The following ANKRD28 variants were observed in gnomAD, a reference collection of about 807,000 sequenced individuals.
ANKRD28 encodes ankyrin repeat domain 28, also known as serine/threonine-protein phosphatase 6 regulatory ankyrin repeat subunit A.
ANKRD28 carries 44 observed loss-of-function variants against 126.5 expected under a neutral mutation model. The ratio of observed to expected loss-of-function variants is 0.35; its 90% confidence interval spans 0.27 to 0.45. The LOEUF (loss-of-function observed/expected upper bound fraction) is 0.45. Among genes scored for constraint, ANKRD28 ranks in the 20% least tolerant of loss-of-function variants. The probability of loss-of-function intolerance (pLI) is 1.00; values close to 1 mark genes in which losing one functional copy is unlikely to be tolerated. For missense variants in ANKRD28, 1,110 were observed against 1,316.6 expected (o/e 0.84, Z 2.43); for synonymous variants, 442 against 468.5 (o/e 0.94, Z 0.73).
At chr3:15,760,206 G>C (rs535447337) in intron 3 of ANKRD28, among the ~76,000 whole-genome samples, 1 of 152,174 alleles carries the variant, frequency 6.6e-6, no homozygotes, top group Non-Finnish European at 1.5e-5. Context: ...TGGACGATAA[G>C]AGGAGAGAGA....
chr3:15,716,093 C>T (rs1250042868), intron 8 of ANKRD28, among the ~76,000 whole-genome samples: 1 of 151,192 alleles, frequency 6.6e-6, no homozygotes, highest in Non-Finnish European at 1.5e-5. Context: ...AGTGATTCTC[C>T]TGCCTCAGCC....
intron 1 of ANKRD28, among the ~76,000 whole-genome samples, chr3:15,803,333 T>C (rs1320802091): frequency 6.6e-6 from 1 of 152,040 alleles, no homozygotes; most frequent in Non-Finnish European, 1.5e-5. Flanking sequence ...AAATATATTT[T>C]AGAGGCCGTG....
chr3:15,777,903 C>CACACACACACA (rs1553631647), intron 2 of ANKRD28, among the ~76,000 whole-genome samples: 55 of 148,856 alleles, frequency 3.7e-4, no homozygotes, highest in Non-Finnish European at 4.6e-4. Flanking sequence ...CACACACACA[C>CACACACACACA]CCTCTCCGCC....
In ANKRD28 at chr3:15,689,415, G is replaced by T. The variant is rs2068519093; in HGVS notation, c.1963+604C>A. Among the ~76,000 whole-genome samples the T allele has an allele frequency of 3.9e-5, 6 of 152,222 alleles. 1 individual carries two copies. In the South Asian group the frequency reaches 1.2e-3, roughly 32 times the overall value. ...GCATCTGCAGCCATCATCAAAAGAT[G>T]AATCCACTGCCACTGCCCCCTGAGG... On this transcript the variant is annotated intron_variant, in intron 18 of 27. Transcript: ENST00000683139.
intron 1 of ANKRD28, among the ~76,000 whole-genome samples, chr3:15,828,088 GTTAT>G (rs1559578859): frequency 6.6e-6 from 1 of 152,120 alleles, no homozygotes; most frequent in African/African-American, 2.4e-5. Flanking sequence ...GATCCTGAAA[GTTAT>G]TTAGAGTTAA....
Position 15,796,590 on chromosome 3 carries a change from T to C in ANKRD28, c.-69A>G. On this transcript the variant is annotated 5_prime_UTR_variant, in exon 1 of 28. Transcript: ENST00000683139. ...CACAGTTGGAAGAGCACAAGTAGTT[T>C]TTCCTCCTCTTCTGTACAACACTTA... is the stretch of plus-strand genomic sequence containing the variant. 8.2e-7 allele frequency: 1 copy of C among 1,213,832 alleles called. No individual in the cohort carries two copies. The highest frequency in any genetic ancestry group is 1.6e-5 in the African/African-American group (1 of 63,750). 75.2% of individuals were successfully genotyped at this position (1,213,832 alleles called of 1,614,324 possible).
chr3:15,731,352 A>C (rs1212606833), intron 6 of ANKRD28, among the ~76,000 whole-genome samples: 1 of 152,218 alleles, frequency 6.6e-6, no homozygotes, highest in Non-Finnish European at 1.5e-5. Flanking sequence ...AAAAACACTG[A>C]TGCACTCTGC....
At position 15,853,474 on chromosome 3, in the gene ANKRD28, G is replaced by GT. The variant is rs1035119381; in HGVS notation, c.27+5902dup. ...TAATCAATGTTTTATGGTTTTTTTT[G>GT]TTTTTTTGTTTTTGAGATGGAGTCT... is the stretch of plus-strand genomic sequence containing the variant. On this transcript the variant is annotated intron_variant, in intron 1 of 27. Coordinates refer to the ANKRD28 transcript ENST00000399451. This position sits in a 1 kb window ranked among gnomAD's most constrained non-coding sequence, Gnocchi z 4.2. Among the ~76,000 whole-genome samples the GT allele has an allele frequency of 5.3e-5, 8 of 151,206 alleles. No homozygotes were observed. The highest frequency in any genetic ancestry group is 8.8e-5 in the Non-Finnish European group (6 of 67,836).
intron 7 of ANKRD28, among the ~76,000 whole-genome samples, chr3:15,723,445 G>C (rs1005336230): frequency 1.7e-4 from 26 of 152,180 alleles, no homozygotes; most frequent in African/African-American, 6.0e-4. Context: ...TCTTCAAAAT[G>C]TGTGTTTTGA....
chr3:15,680,937 G>C (rs1306340058), intron 21 of ANKRD28, among the ~76,000 whole-genome samples: 3 of 152,208 alleles, frequency 2.0e-5, no homozygotes, highest in Non-Finnish European at 4.4e-5. Flanking sequence ...AAAATGCTGG[G>C]ATTACAGGCA....
At chr3:15,820,090 A>C (rs1456935086) in intron 1 of ANKRD28, among the ~76,000 whole-genome samples, 1 of 152,248 alleles carries the variant, frequency 6.6e-6, no homozygotes, top group Non-Finnish European at 1.5e-5. Context: ...AACATTAGGT[A>C]AAGGGTTGGT....
intron 3 of ANKRD28, among the ~76,000 whole-genome samples, chr3:15,757,596 T>C (rs952455838): frequency 1.3e-5 from 2 of 152,114 alleles, no homozygotes; most frequent in Admixed American, 1.3e-4. Flanking sequence ...TTAATGCCCT[T>C]GTAAAAGTGG....
chr3:15,850,764 T>G (rs2061635547), intron 1 of ANKRD28, among the ~76,000 whole-genome samples: 1 of 152,150 alleles, frequency 6.6e-6, no homozygotes. Flanking sequence ...AATAAATAAG[T>G]AAAAATAAGG....
intron 1 of ANKRD28, among the ~76,000 whole-genome samples, chr3:15,848,540 T>G (rs1435173679): frequency 6.6e-6 from 1 of 152,028 alleles, no homozygotes; most frequent in African/African-American, 2.4e-5. Context: ...CCAGGCATAG[T>G]GGTGCATGCC....
At chr3:15,773,632 A>T (rs576288918) in intron 2 of ANKRD28, among the ~76,000 whole-genome samples, 23 of 152,178 alleles carry the variant, frequency 1.5e-4, no homozygotes, top group Non-Finnish European at 3.2e-4. Flanking sequence ...AGAAAAAAAA[A>T]ATTTCAAGAT....
chr3:15,828,995 G>A (rs1456464245), intron 1 of ANKRD28, among the ~76,000 whole-genome samples: 1 of 152,148 alleles, frequency 6.6e-6, no homozygotes, highest in Non-Finnish European at 1.5e-5. Flanking sequence ...CCCAGCAAGA[G>A]AGACAAACTT....
chr3:15,858,988 G>A (rs895630142), intron 1 of ANKRD28, among the ~76,000 whole-genome samples: 3 of 152,220 alleles, frequency 2.0e-5, no homozygotes, highest in African/African-American at 4.8e-5. Context: ...AACAGAACAA[G>A]GTCGTGACCC....
intron 10 of ANKRD28, among the ~76,000 whole-genome samples, chr3:15,712,463 G>A (rs907579666): frequency 1.3e-5 from 2 of 152,164 alleles, no homozygotes; most frequent in African/African-American, 2.4e-5. Flanking sequence ...CTGGGGAAAC[G>A]TGAGAAGCCA....
Position 15,838,099 on chromosome 3 carries a change from C to T in ANKRD28, c.27+21278G>A, listed in dbSNP as rs1442563894. Among the ~76,000 whole-genome samples the T allele has an allele frequency of 1.3e-5, 2 of 152,066 alleles. No homozygotes were observed. The highest frequency in any genetic ancestry group is 1.5e-5 in the Non-Finnish European group (1 of 67,992). ...GAAGATACAGAAAATATGAATAGAA[C>T]TCTATCAACTAAAGAAATTAGTAAT... On this transcript the variant is annotated intron_variant, in intron 1 of 27. Transcript: ENST00000399451. This position sits in a 1 kb window ranked among gnomAD's most constrained non-coding sequence, Gnocchi z 4.0.
Sources: gnomAD v4.1 joint callset for allele counts (sites outside exome capture counted in the v4.1 genomes callset) on GRCh38, gnomAD v4.1.1 for gene constraint, Gnocchi (gnomAD v3.1) non-coding constraint, MANE v1.5 for transcripts, NCBI Gene and HGNC (gene_info 2026-07-23, HGNC 2026-07-21) for gene names.